The following TP63 variants were observed in gnomAD, a reference collection of about 807,000 sequenced individuals.
TP63 encodes the protein tumor protein 63.
TP63 carries 17 observed loss-of-function variants against 82.8 expected under a neutral mutation model. That is an observed-to-expected ratio of 0.21 (90% confidence interval 0.14 to 0.31). The LOEUF (loss-of-function observed/expected upper bound fraction) is 0.31, where lower values mean the gene tolerates loss of function less well. Ranked by LOEUF, TP63 falls within the 10% of genes least tolerant of loss-of-function variation. TP63 has a pLI of 1.00. For synonymous variants in TP63, 330 were observed against 321.7 expected, an observed-to-expected ratio of 1.03 and a Z score of -0.28; for missense variants, 648 against 895.3, an observed-to-expected ratio of 0.72 and a Z score of 3.52.
At chr3:189,752,979 G>A (rs2108525056) in intron 3 of TP63, among the ~76,000 whole-genome samples, 1 of 152,072 alleles carries the variant, frequency 6.6e-6, no homozygotes, top group South Asian at 2.1e-4. Context: ...TACTAACTTA[G>A]CTTAATTTCA....
intron 9 of TP63, among the ~76,000 whole-genome samples, chr3:189,870,905 T>A (rs191160012): frequency 6.6e-6 from 1 of 152,170 alleles, no homozygotes; most frequent in Non-Finnish European, 1.5e-5. Context: ...TGCTGCACTT[T>A]CTTCCTCATC....
chr3:189,779,687 T>G (rs1252591940), intron 3 of TP63, among the ~76,000 whole-genome samples: 1 of 152,168 alleles, frequency 6.6e-6, no homozygotes, highest in Non-Finnish European at 1.5e-5. Flanking sequence ...AAACCTGAGT[T>G]CCAAGCTCCA....
Position 189,631,552 on chromosome 3 carries a change from T to TA in TP63, c.38dup (p.Tyr13Ter). The change falls in exon 1 of 14, where the codon TAC (tyrosine) becomes TAAC (stop). Residue 13 changes from tyrosine to a stop codon, truncating the protein, a stop_gained and frameshift_variant. Coordinates refer to ENST00000264731, the MANE Select transcript of TP63 (RefSeq NM_003722.5). LOFTEE classifies it high-confidence loss of function. ...AACTTCACGGTGTGCCACCCTACAGTACTGCCCTGACCCTTACATCCAGCG... is the reference window on the plus strand; with the variant it reads ...AACTTCACGGTGTGCCACCCTACAGTAACTGCCCTGACCCTTACATCCAGCG... ...FETSRCATLQ[Y>*]CPDPYIQRFV... is the part of the protein sequence containing the mutation. 6.2e-7 allele frequency: 1 copy of TA among 1,612,988 alleles called. No homozygotes were observed. Among genetic ancestry groups the TA allele is most frequent in the Non-Finnish European group, 8.5e-7 (1 of 1,179,176 alleles).
rs975953386 is a variant in TP63, at chr3:189,894,612, G to A, written c.*110G>A. The A allele has an allele frequency of 7.5e-7, 1 of 1,333,234 alleles. No homozygotes were observed. The highest frequency in any genetic ancestry group is 1.5e-5 in the African/African-American group (1 of 68,950). 82.6% of individuals were successfully genotyped at this position (1,333,234 alleles called of 1,614,324 possible). A position where few individuals can be genotyped will look rare whatever the true frequency, so the allele number is the denominator to read the frequency against. ...CTAGCTCCTCCCCTTCCTCTTGTCT[G>A]ATTTCTTAGGGGAAGGAGAAGTAAG... is the stretch of plus-strand genomic sequence containing the variant. On this transcript the variant is annotated 3_prime_UTR_variant, in exon 14 of 14. Transcript: ENST00000264731.
chr3:189,890,976 A>T (rs2108865169), intron 13 of TP63, 94 bp downstream of exon 13: 1 of 1,323,964 alleles, frequency 7.6e-7, no homozygotes, highest in East Asian at 2.4e-5. Flanking sequence ...TAGTTTAAAA[A>T]TTTGTTTTTG....
chr3:189,714,546 G>C (rs916390391), intron 1 of TP63, among the ~76,000 whole-genome samples: 19 of 152,162 alleles, frequency 1.2e-4, no homozygotes, highest in South Asian at 4.1e-4. Flanking sequence ...GTCCATCCTA[G>C]TAATGTTTGA....
At chr3:189,622,366 A>C in the TP63 span, among the ~76,000 whole-genome samples, 1 of 152,202 alleles carries the variant, frequency 6.6e-6, no homozygotes, top group Non-Finnish European at 1.5e-5. Flanking sequence ...ATGTGGTCAT[A>C]AATGTCAGGG....
intron 3 of TP63, among the ~76,000 whole-genome samples, chr3:189,807,186 G>A (rs1221891719): frequency 6.6e-6 from 1 of 152,128 alleles, no homozygotes. Context: ...TGTTCATTTT[G>A]GCTCAGGTTT....
At position 189,661,519 on chromosome 3, in the gene TP63, T is replaced by C. The variant is rs1032106401; in HGVS notation, c.62+29942T>C. Among the ~76,000 whole-genome samples, 3 of 152,274 alleles carry C rather than the reference T, an allele frequency of 2.0e-5. No individual in the cohort carries two copies. The South Asian group carries it at 6.2e-4, about 32-fold the overall frequency. On this transcript the variant is annotated intron_variant, in intron 1 of 13. Transcript: ENST00000264731. ...TTTGTGTCTATGTTCATCAGAGATA[T>C]TAGCCTTTAGTTTTCTTTTTTCATT...
intron 1 of TP63, among the ~76,000 whole-genome samples, chr3:189,723,797 T>C (rs1249005773): frequency 1.3e-5 from 2 of 152,230 alleles, no homozygotes; most frequent in East Asian, 1.9e-4. Context: ...TTTTCTATAA[T>C]AGTTGAACAT....
At chr3:189,739,177 A>G (rs1026618539) in intron 3 of TP63, among the ~76,000 whole-genome samples, 4 of 152,174 alleles carry the variant, frequency 2.6e-5, no homozygotes, top group African/African-American at 9.7e-5. Context: ...GTGCAGTGGC[A>G]GGATCTCAGC....
Position 189,894,702 on chromosome 3 carries a change from A to G in TP63, c.*200A>G, listed in dbSNP as rs1207421477. 3.0e-6 allele frequency: 2 copies of G among 666,702 alleles called. No individual in the cohort carries two copies. Among genetic ancestry groups the G allele is most frequent in the South Asian group, 1.9e-5 (1 of 51,352 alleles). 41.3% of individuals were successfully genotyped at this position (666,702 alleles called of 1,614,324 possible). A position where few individuals can be genotyped will look rare whatever the true frequency, so the allele number is the denominator to read the frequency against. On this transcript the variant is annotated 3_prime_UTR_variant, in exon 14 of 14. Transcript: ENST00000264731. ...CTGATTCTGGCTTTAAGCCTTCAAA[A>G]CTATAGCTTGCAGAACTGTAGCTGC...
At chr3:189,757,056 TAC>T (rs1203887551) in intron 3 of TP63, among the ~76,000 whole-genome samples, 1 of 152,190 alleles carries the variant, frequency 6.6e-6, no homozygotes, top group African/African-American at 2.4e-5. Context: ...TATGCATACA[TAC>T]ATATATATAT....
chr3:189,758,045 A>G (rs1200126105), intron 3 of TP63, among the ~76,000 whole-genome samples: 1 of 152,206 alleles, frequency 6.6e-6, no homozygotes, highest in Non-Finnish European at 1.5e-5. Flanking sequence ...GGGGTCCTCA[A>G]TCTTTTTGGC....
chr3:189,649,538 C>T (rs1265119096), intron 1 of TP63, among the ~76,000 whole-genome samples: 1 of 146,392 alleles, frequency 6.8e-6, no homozygotes, highest in African/African-American at 2.6e-5. Flanking sequence ...GGCTTAATAC[C>T]TGGATGATGA....
chr3:189,620,640 T>G, the TP63 span, among the ~76,000 whole-genome samples: 3,965 of 152,246 alleles, frequency 0.026, 167 homozygotes, highest in African/African-American at 0.086. Flanking sequence ...GAGGCATTCT[T>G]GAGTCAAAAA....
At chr3:189,751,370 T>G (rs1160106360) in intron 3 of TP63, among the ~76,000 whole-genome samples, 1 of 152,236 alleles carries the variant, frequency 6.6e-6, no homozygotes, top group Non-Finnish European at 1.5e-5. Context: ...GTATTTCCAG[T>G]TCTAGATCCT....
chr3:189,597,737 C>T, the TP63 span, among the ~76,000 whole-genome samples: 1 of 152,006 alleles, frequency 6.6e-6, no homozygotes, highest in Non-Finnish European at 1.5e-5. Flanking sequence ...CCAGCCTAGG[C>T]AACATGGTGA....
intron 5 of TP63, 149 bp from the exon 6 acceptor site, chr3:189,866,533 T>A (rs369717911): frequency 2.0e-5 from 14 of 700,058 alleles, no homozygotes; most frequent in Non-Finnish European, 2.8e-5. Context: ...TATCTGGCTA[T>A]GGGATCTGTT....
Sources: gnomAD v4.1 joint callset for allele counts (sites outside exome capture counted in the v4.1 genomes callset) on GRCh38, gnomAD v4.1.1 for gene constraint, MANE v1.5 for transcripts, NCBI Gene and HGNC (gene_info 2026-07-23, HGNC 2026-07-21) for gene names.